Variants in POLK observed in about 807,000 individuals in gnomAD.
POLK encodes DNA polymerase kappa.
POLK carries 76 observed loss-of-function variants against 94.0 expected under a neutral mutation model. That is an observed-to-expected ratio of 0.81 (90% CI 0.67 to 0.98). The LOEUF (loss-of-function observed/expected upper bound fraction) is 0.98. Among genes scored for constraint, POLK ranks in the 50% least tolerant of loss-of-function variants. The pLI, the probability that POLK is intolerant of heterozygous loss-of-function variation, is 0.00. For missense variants in POLK, 954 were observed against 1,010.1 expected (o/e 0.94, Z 0.75); for synonymous variants, 349 against 325.4 (o/e 1.07, Z -0.78).
chr5:75,578,241 C>T (rs1345364635), intron 6 of POLK, among the ~76,000 whole-genome samples: 3 of 152,038 alleles, frequency 2.0e-5, no homozygotes, highest in Non-Finnish European at 4.4e-5. Context: ...CTGCAACCTC[C>T]GCCTCCTGGG....
chr5:75,553,648 G>T (rs932882311), intron 3 of POLK, among the ~76,000 whole-genome samples: 1 of 151,962 alleles, frequency 6.6e-6, no homozygotes, highest in Non-Finnish European at 1.5e-5. Flanking sequence ...TATTTCATAC[G>T]CAACCCTGTG....
At chr5:75,532,191 A>G (rs1769214902) in intron 1 of POLK, among the ~76,000 whole-genome samples, 1 of 152,220 alleles carries the variant, frequency 6.6e-6, no homozygotes, top group Admixed American at 6.5e-5. Flanking sequence ...TCACCCAGGT[A>G]ATAAGCATAG....
chr5:75,608,233 A>T, the POLK span, among the ~76,000 whole-genome samples: 1 of 151,080 alleles, frequency 6.6e-6, no homozygotes, highest in African/African-American at 2.4e-5. Flanking sequence ...TTGCTCTGTC[A>T]CCCAGGTTGG....
intron 10 of POLK, among the ~76,000 whole-genome samples, chr5:75,588,754 A>G (rs1434564496): frequency 6.6e-6 from 1 of 152,206 alleles, no homozygotes; most frequent in East Asian, 1.9e-4. Context: ...TTTCTTTATG[A>G]AAAGCTTCTA....
At chr5:75,548,525 TTATA>T (rs1424713154) in intron 2 of POLK, among the ~76,000 whole-genome samples, 2 of 149,664 alleles carry the variant, frequency 1.3e-5, no homozygotes, top group Admixed American at 6.7e-5. Context: ...TTAATATACA[TTATA>T]TATACATGAT....
chr5:75,569,499 A>G lies in POLK; in HGVS notation c.408+7A>G. ...AGGATCAATGAGTATGCTGGTAAGT[A>G]AAGATCAAATACAAAAAGGAAATTT... On this transcript the variant is annotated splice_region_variant and intron_variant, in intron 4 of 14. Coordinates refer to ENST00000241436, the Ensembl canonical transcript of POLK. 6.2e-7 allele frequency: 1 copy of G among 1,600,386 alleles called. No homozygotes were observed. The highest frequency in any genetic ancestry group is 2.2e-5 in the East Asian group (1 of 44,738).
exon 15 of POLK, chr5:75,600,269 A>G (rs981611113): frequency 1.3e-5 from 2 of 152,206 alleles, no homozygotes; most frequent in East Asian, 1.9e-4. Flanking sequence ...AAAAAATAAA[A>G]CTACAAGGAG....
chr5:75,514,662 C>T (rs1768237530), intron 1 of POLK, among the ~76,000 whole-genome samples: 1 of 152,140 alleles, frequency 6.6e-6, no homozygotes, highest in Non-Finnish European at 1.5e-5. Flanking sequence ...ACCTTAGGCG[C>T]TTGCAATACA....
chr5:75,575,115 A>T (rs1255030016), intron 5 of POLK, among the ~76,000 whole-genome samples: 1 of 152,230 alleles, frequency 6.6e-6, no homozygotes, highest in Admixed American at 6.5e-5. Flanking sequence ...AATGAACTGT[A>T]GAACAAATTC....
At chr5:75,572,815 A>G (rs552064306) in intron 4 of POLK, among the ~76,000 whole-genome samples, 1 of 152,306 alleles carries the variant, frequency 6.6e-6, no homozygotes, top group Admixed American at 6.5e-5. Context: ...ACAATGAGAT[A>G]CCATCTCACA....
exon 13 of POLK, chr5:75,596,494 G>C: frequency 6.2e-7 from 1 of 1,613,996 alleles, no homozygotes; most frequent in Non-Finnish European, 8.5e-7. Flanking sequence ...ACCATTCCAA[G>C]TTTTAAAGAA....
exon 15 of POLK, chr5:75,597,986 C>A: frequency 7.0e-7 from 1 of 1,432,360 alleles, no homozygotes; most frequent in Non-Finnish European, 9.5e-7. Flanking sequence ...ACCAAACAAT[C>A]CCAAACATAC....
intron 3 of POLK, among the ~76,000 whole-genome samples, chr5:75,560,646 C>T (rs948825674): frequency 2.6e-5 from 4 of 152,138 alleles, no homozygotes; most frequent in Admixed American, 6.6e-5. Flanking sequence ...TTAGGTATTT[C>T]TACTAATGCT....
intron 1 of POLK, chr5:75,538,670 T>C (rs1409887615): frequency 6.6e-6 from 1 of 152,200 alleles, no homozygotes; most frequent in Non-Finnish European, 1.5e-5. Context: ...TCTCATCAAT[T>C]GAGAATAATT....
chr5:75,539,438 C>T (rs910128941), intron 1 of POLK, among the ~76,000 whole-genome samples: 2 of 152,036 alleles, frequency 1.3e-5, no homozygotes, highest in East Asian at 3.8e-4. Context: ...ACTGTTATTG[C>T]GGTCTTTGAG....
At chr5:75,511,083 G>A (rs776290291), upstream of POLK, 2 of 1,518,326 alleles carry the variant, frequency 1.3e-6, no homozygotes, top group Non-Finnish European at 8.8e-7. Flanking sequence ...AGTCTGGCCA[G>A]GGGTCCCTTG....
intron 1 of POLK, among the ~76,000 whole-genome samples, chr5:75,537,055 C>G (rs1457096353): frequency 6.6e-6 from 1 of 152,122 alleles, no homozygotes; most frequent in Non-Finnish European, 1.5e-5. Flanking sequence ...CAAATTCTGG[C>G]TGAAGCAGGA....
At chr5:75,576,674 T>C (rs1416800509) in intron 5 of POLK, 106 bp from the exon 6 acceptor site, 2 of 484,094 alleles carry the variant, frequency 4.1e-6, no homozygotes, top group Non-Finnish European at 7.3e-6. Flanking sequence ...GCAGGATTGT[T>C]ACTGTAGTTG....
chr5:75,586,587 A>T (rs1772482338), intron 9 of POLK, among the ~76,000 whole-genome samples: 3 of 152,190 alleles, frequency 2.0e-5, no homozygotes, highest in Non-Finnish European at 4.4e-5. Flanking sequence ...TCTATTATAG[A>T]GTGGTATAAA....
Sources: allele counts gnomAD v4.1 joint callset (sites outside exome capture counted in the v4.1 genomes callset), GRCh38; gene constraint gnomAD v4.1.1; transcripts MANE v1.5; gene names NCBI Gene and HGNC (gene_info 2026-07-23, HGNC 2026-07-21).